XG: variants seen among roughly 807,000 people sequenced by gnomAD.
The protein encoded by XG is glycoprotein Xg.
In XG, 24 loss-of-function variants were observed where a neutral mutation model predicts 25.7. The ratio of observed to expected loss-of-function variants is 0.93; its 90% confidence interval spans 0.68 to 1.31. The LOEUF is 1.31. XG is among the 40% of genes most tolerant of loss of function. The pLI is 0.00. For missense variants in XG, 181 were observed against 187.6 expected, an observed-to-expected ratio of 0.96 and a Z score of 0.21; for synonymous variants, 77 against 69.2, an observed-to-expected ratio of 1.11 and a Z score of -0.56.
At chrX:2,790,970 AATTT>A (rs1171156343) in intron 5 of XG, among the ~76,000 whole-genome samples, 1 of 24,578 alleles carries the variant, frequency 4.1e-5, no homozygotes, top group Non-Finnish European at 1.2e-4. Flanking sequence ...ATAGTAAATA[AATTT>A]AAATGTTTTT....
At chrX:2,766,716 C>T (rs1242968582) in intron 1 of XG, among the ~76,000 whole-genome samples, 3 of 151,170 alleles carry the variant, frequency 2.0e-5, no homozygotes, top group African/African-American at 2.4e-5. Context: ...AGGCGCCCGC[C>T]ACCACACCCG....
chrX:2,761,110 A>G (rs1239023271), intron 1 of XG, among the ~76,000 whole-genome samples: 1 of 152,178 alleles, frequency 6.6e-6, no homozygotes, highest in Non-Finnish European at 1.5e-5. Flanking sequence ...TCCAAAATTT[A>G]TATATTGAAG....
In XG at chrX:2,816,174, C is replaced by T. The variant is rs2087103084; in HGVS notation, c.*1794C>T. 8.9e-6 allele frequency: 1 copy of T among 112,246 alleles called. No individual in the cohort carries two copies. Among genetic ancestry groups the T allele is most frequent in the African/African-American group, 3.2e-5 (1 of 30,902 alleles). 9.3% of individuals were successfully genotyped at this position (112,246 alleles called of 1,213,427 possible). ...GATGAAAATATTTGAATCATGATTGCTTGGGGGAACCTCTCTTTGAGGGGT... is the reference window on the plus strand; with the variant it reads ...GATGAAAATATTTGAATCATGATTGTTTGGGGGAACCTCTCTTTGAGGGGT... On this transcript the variant is annotated 3_prime_UTR_variant, in exon 11 of 11. Transcript: ENST00000644266.
intron 4 of XG, among the ~76,000 whole-genome samples, chrX:2,784,623 T>C (rs1291811313): frequency 3.6e-5 from 4 of 110,380 alleles, no homozygotes; most frequent in African/African-American, 1.3e-4. Flanking sequence ...CGAGATCCTT[T>C]AAGATGGGCC....
intron 5 of XG, among the ~76,000 whole-genome samples, chrX:2,792,682 G>T (rs1490042124): frequency 9.3e-6 from 1 of 107,834 alleles, no homozygotes; most frequent in African/African-American, 3.4e-5. Context: ...TTACAGATGT[G>T]AGCCACTGAG....
At chrX:2,800,709 C>T (rs1278734256) in intron 7 of XG, among the ~76,000 whole-genome samples, 2 of 111,546 alleles carry the variant, frequency 1.8e-5, no homozygotes, top group African/African-American at 6.5e-5. Context: ...TACTTTTGGC[C>T]GGGCATGGTG....
intron 9 of XG, among the ~76,000 whole-genome samples, chrX:2,810,925 T>C (rs1252034564): frequency 1.8e-5 from 1 of 55,373 alleles, no homozygotes; most frequent in Admixed American, 1.7e-4. Flanking sequence ...CAAAAAATAA[T>C]AAGAAATAAA....
At chrX:2,757,875 G>A (rs1320089209) in intron 1 of XG, among the ~76,000 whole-genome samples, 1 of 146,022 alleles carries the variant, frequency 6.8e-6, no homozygotes, top group Non-Finnish European at 1.5e-5. Context: ...AGGAGGCTGA[G>A]ACAGGAGAAT....
At chrX:2,765,076 G>A (rs970744937) in intron 1 of XG, among the ~76,000 whole-genome samples, 70 of 138,058 alleles carry the variant, frequency 5.1e-4, no homozygotes, top group African/African-American at 1.8e-3. Flanking sequence ...GGCTAGGCAC[G>A]GCGGCTCATG....
chrX:2,808,375 A>G, intron 9 of XG, 155 bp downstream of exon 9: 1 of 827,140 alleles, frequency 1.2e-6, no homozygotes, highest in South Asian at 2.6e-5. Flanking sequence ...CTGAATAAAA[A>G]TATCTGACCT....
At chrX:2,754,503 G>A (rs1394272539) in intron 1 of XG, among the ~76,000 whole-genome samples, 1 of 152,166 alleles carries the variant, frequency 6.6e-6, no homozygotes, top group East Asian at 1.9e-4. Context: ...CGTGCCTGAT[G>A]TCATTTTACA....
chrX:2,794,892 A>G (rs1445770831), intron 6 of XG, among the ~76,000 whole-genome samples: 1 of 112,193 alleles, frequency 8.9e-6, no homozygotes, highest in African/African-American at 3.2e-5. Flanking sequence ...TTAGACTTGT[A>G]TATGTGTAAG....
intron 1 of XG, among the ~76,000 whole-genome samples, chrX:2,763,483 G>GAGGGGGGTGGA: frequency 6.6e-6 from 1 of 151,730 alleles, no homozygotes; most frequent in East Asian, 1.9e-4. Context: ...GTGGCGGTGG[G>GAGGGGGGTGGA]AGGGGGGTGG....
At chrX:2,768,611 T>C (rs2050750102) in intron 1 of XG, among the ~76,000 whole-genome samples, 1 of 151,938 alleles carries the variant, frequency 6.6e-6, no homozygotes, top group Non-Finnish European at 1.5e-5. Context: ...CTACTGAAAA[T>C]ACAAAAGTTA....
At chrX:2,789,768 T>C (rs113793889) in intron 5 of XG, 62 bp downstream of exon 5, 1 of 606,116 alleles carries the variant, frequency 1.6e-6, no homozygotes, top group Non-Finnish European at 2.3e-6. Flanking sequence ...TACTATTTTA[T>C]TTGATTCTAT....
intron 6 of XG, among the ~76,000 whole-genome samples, chrX:2,797,040 A>G (rs916607069): frequency 9.0e-6 from 1 of 111,554 alleles, no homozygotes; most frequent in Non-Finnish European, 1.9e-5. Flanking sequence ...GTGAATTTGG[A>G]GTCCCCAGGG....
chrX:2,756,129 A>G (rs955121232), intron 1 of XG, among the ~76,000 whole-genome samples: 5 of 152,224 alleles, frequency 3.3e-5, no homozygotes, highest in Non-Finnish European at 5.9e-5. Context: ...AAAGAAGATA[A>G]TAGCAAGACG....
At chrX:2,780,425 TA>T (rs751220927) in intron 3 of XG, among the ~76,000 whole-genome samples, 1,956 of 126,620 alleles carry the variant, frequency 0.015, 31 homozygotes, top group African/African-American at 0.053. Flanking sequence ...TTTTTTTTTC[TA>T]AAAAAAAAAA....
In XG at chrX:2,795,227, T is replaced by A. The variant is rs189046434; in HGVS notation, c.322+624T>A. On this transcript the variant is annotated intron_variant, in intron 6 of 10. Transcript: ENST00000644266. ...TATTTATATGCAGATATATGCTTTTTATATATATTTATGTATATGTATATC... is the reference window on the plus strand; with the variant it reads ...TATTTATATGCAGATATATGCTTTTAATATATATTTATGTATATGTATATC... 9.6e-3 allele frequency among the ~76,000 whole-genome samples: 486 copies of A among 50,417 alleles called. 2 individuals carry two copies. The highest frequency in any genetic ancestry group is 0.016 in the Non-Finnish European group (423 of 25,857). 43.8% of individuals were successfully genotyped at this position (50,417 alleles called of 115,157 possible).
Sources: allele counts gnomAD v4.1 joint callset (sites outside exome capture counted in the v4.1 genomes callset), GRCh38; gene constraint gnomAD v4.1.1; transcripts MANE v1.5; gene names NCBI Gene and HGNC (gene_info 2026-07-23, HGNC 2026-07-21).